ECT2L: variants seen among roughly 807,000 people sequenced by gnomAD.
ECT2L encodes epithelial cell-transforming sequence 2 oncogene-like.
In ECT2L, 126 loss-of-function variants were observed where a neutral mutation model predicts 122.8. The ratio of observed to expected loss-of-function variants is 1.03; its 90% CI spans 0.89 to 1.19. The LOEUF (loss-of-function observed/expected upper bound fraction) is 1.19, where lower values mean the gene tolerates loss of function less well. ECT2L is among the 50% of genes most tolerant of loss of function. The pLI, the probability that ECT2L is intolerant of heterozygous loss-of-function variation, is 0.00. For synonymous variants in ECT2L, 385 were observed against 381.8 expected (o/e 1.01, Z -0.10); for missense variants, 1,012 against 1,064.1 (o/e 0.95, Z 0.68).
intron 4 of ECT2L, among the ~76,000 whole-genome samples, chr6:138,824,894 C>T (rs1042567295): frequency 2.6e-5 from 4 of 152,206 alleles, no homozygotes; most frequent in African/African-American, 9.7e-5. Context: ...TGGCTCCACC[C>T]CCCGGAACCA....
chr6:138,885,633 G>A (rs372327085), intron 17 of ECT2L, 41 bp from the exon 18 acceptor site: 2 of 1,613,816 alleles, frequency 1.2e-6, no homozygotes, highest in African/African-American at 1.3e-5. Flanking sequence ...GCATTCCTGG[G>A]CCTTCAGAGA....
At position 138,885,577 on chromosome 6, in the gene ECT2L, G is replaced by A. The variant is rs746561633; in HGVS notation, c.2100G>A (p.Leu700=). ...RHDKTIVTKM[L]SLPELLLYPS... ...ATAAGACCATTGTTACCAAAATGCT[G>A]AGGTACGTTCTGAGGGAGAGCACAG... Residue 700 remains leucine (L), a splice_region_variant and synonymous_variant, in exon 17 of 22, where the codon CTG becomes CTA. Transcript: ENST00000541398. 6.2e-7 allele frequency: 1 copy of A among 1,614,182 alleles called. No individual in the cohort carries two copies. Among genetic ancestry groups the A allele is most frequent in the Non-Finnish European group, 8.5e-7 (1 of 1,180,026 alleles).
At chr6:138,863,894 G>A (rs1362172743) in intron 11 of ECT2L, among the ~76,000 whole-genome samples, 2 of 148,984 alleles carry the variant, frequency 1.3e-5, no homozygotes, top group African/African-American at 5.0e-5. Context: ...TTACAGGCGT[G>A]AGCCACCGCA....
intron 4 of ECT2L, among the ~76,000 whole-genome samples, chr6:138,828,086 G>A (rs146462588): frequency 8.6e-5 from 13 of 151,732 alleles, no homozygotes; most frequent in Admixed American, 2.0e-4. Context: ...TCCCCCCACC[G>A]CATGACAGGC....
intron 1 of ECT2L, among the ~76,000 whole-genome samples, chr6:138,799,044 G>C (rs912977897): frequency 2.0e-5 from 3 of 152,180 alleles, no homozygotes; most frequent in Admixed American, 6.5e-5. Context: ...GCCACTCCGG[G>C]AGTCTCTCTG....
At chr6:138,858,175 T>A (rs1216473450) in intron 10 of ECT2L, among the ~76,000 whole-genome samples, 3 of 152,178 alleles carry the variant, frequency 2.0e-5, no homozygotes, top group Non-Finnish European at 4.4e-5. Context: ...GTAATTTATA[T>A]GCTGAGGACC....
At position 138,842,947 on chromosome 6, in the gene ECT2L, A is replaced by G. The variant is rs764633239; in HGVS notation, c.343-32A>G. 3 of 1,441,682 alleles carry G rather than the reference A, an allele frequency of 2.1e-6. No homozygotes were observed. The South Asian group carries it at 5.3e-5, about 25-fold the overall frequency. The allele number at this position is 1,441,682 out of a possible 1,614,324, so 89.3% of individuals were successfully genotyped here. A position where few individuals can be genotyped will look rare whatever the true frequency, so the allele number is the denominator to read the frequency against. The stretch of plus-strand genomic sequence containing the variant: ...ATTGCTAGAAAACTGTCTGAAAACA[A>G]TTTGTGACTCATCTTCCTCTTGTTT... On this transcript the variant is annotated intron_variant, in intron 5 of 21. Coordinates refer to ENST00000541398, the MANE Select transcript of ECT2L (RefSeq NM_001077706.3).
chr6:138,865,286 C>A, intron 12 of ECT2L, 108 bp downstream of exon 12: 1 of 1,110,098 alleles, frequency 9.0e-7, no homozygotes, highest in Non-Finnish European at 1.2e-6. Context: ...TCTTGAACAT[C>A]TCCAGTAAAA....
intron 19 of ECT2L, among the ~76,000 whole-genome samples, chr6:138,887,865 T>C (rs1778880517): frequency 6.6e-6 from 1 of 152,188 alleles, no homozygotes; most frequent in Non-Finnish European, 1.5e-5. Context: ...TTGCAAAGTT[T>C]CCCCCAGCAT....
At chr6:138,902,221 T>C (rs905408753) in intron 21 of ECT2L, among the ~76,000 whole-genome samples, 3 of 152,234 alleles carry the variant, frequency 2.0e-5, no homozygotes, top group African/African-American at 7.2e-5. Flanking sequence ...TTCCAGTTCC[T>C]TCTGGAGTGA....
intron 8 of ECT2L, among the ~76,000 whole-genome samples, chr6:138,848,321 C>T (rs1777306044): frequency 6.6e-6 from 1 of 151,942 alleles, no homozygotes; most frequent in Non-Finnish European, 1.5e-5. Flanking sequence ...TCTGAAATTC[C>T]CAAATAGTAT....
intron 1 of ECT2L, among the ~76,000 whole-genome samples, chr6:138,803,267 GGAAAGA>G (rs781523890): frequency 7.5e-5 from 11 of 147,576 alleles, no homozygotes; most frequent in Non-Finnish European, 1.5e-4. Flanking sequence ...AAAAAAAAAA[GGAAAGA>G]GAAAAAGAAA....
At chr6:138,860,265 A>C (rs918827159) in intron 10 of ECT2L, among the ~76,000 whole-genome samples, 1 of 152,110 alleles carries the variant, frequency 6.6e-6, no homozygotes, top group Non-Finnish European at 1.5e-5. Flanking sequence ...AATGATTTAT[A>C]GTTTTAAGCT....
chr6:138,893,839 A>C (rs1779122353), intron 20 of ECT2L, among the ~76,000 whole-genome samples: 1 of 152,208 alleles, frequency 6.6e-6, no homozygotes, highest in African/African-American at 2.4e-5. Context: ...TCCACACTTT[A>C]TCTCTAGTAA....
chr6:138,897,670 T>C (rs1055949069), intron 20 of ECT2L, among the ~76,000 whole-genome samples: 2 of 152,214 alleles, frequency 1.3e-5, no homozygotes, highest in South Asian at 2.1e-4. Flanking sequence ...AAAAATTATA[T>C]ATAAAATAGC....
At chr6:138,871,256 T>C (rs986256132) in intron 13 of ECT2L, among the ~76,000 whole-genome samples, 12 of 152,202 alleles carry the variant, frequency 7.9e-5, no homozygotes, top group Non-Finnish European at 1.5e-4. Flanking sequence ...CTGTCTTTGA[T>C]GTTTGAAGGC....
At position 138,843,203 on chromosome 6, in the gene ECT2L, A is replaced by C; in HGVS notation, c.567A>C (p.Arg189Ser). The C allele has an allele frequency of 6.2e-7, 1 of 1,609,354 alleles. No homozygotes were observed. The highest frequency in any genetic ancestry group is 8.5e-7 in the Non-Finnish European group (1 of 1,177,672). The change falls in exon 6 of 22, where the codon AGA becomes AGC. Residue 189 changes from arginine to serine, a missense_variant. Coordinates refer to ENST00000541398, the MANE Select transcript of ECT2L (RefSeq NM_001077706.3). ...AAAGAGAAAAGTGCCTGAGGAAAAG[A>C]ATTTGGGAGAAAATTGCACTACGTA... is the stretch of plus-strand genomic sequence containing the variant. ...ERQREKCLRK[R>S]IWEKIALRKK...
chr6:138,868,182 G>C lies in ECT2L; in HGVS notation c.1554G>C (p.Leu518Phe). Reference sequence around the variant, plus strand: ...CTGCGCAAGCTCTGGCAGATGGATTGATGGAGTTGTCAAAAGAAGATTCTG... The same window carrying C: ...CTGCGCAAGCTCTGGCAGATGGATTCATGGAGTTGTCAAAAGAAGATTCTG... ...QDTAQALADG[L>F]MELSKEDSER... Residue 518 changes from leucine to phenylalanine, a missense_variant, in exon 13 of 22, where the codon TTG becomes TTC. Leu to Phe is a conservative substitution (Grantham distance 22, BLOSUM62 0). Transcript: ENST00000541398. 1 of 1,613,410 alleles carries C rather than the reference G, an allele frequency of 6.2e-7. No individual in the cohort carries two copies. The highest frequency in any genetic ancestry group is 1.1e-5 in the South Asian group (1 of 90,824).
chr6:138,847,242 G>GACAGAGT (rs1777255375), intron 8 of ECT2L, among the ~76,000 whole-genome samples: 1 of 150,468 alleles, frequency 6.6e-6, no homozygotes, highest in African/African-American at 2.5e-5. Flanking sequence ...CAACCTGGGT[G>GACAGAGT]ACAGAGTAAG....
Sources: allele counts gnomAD v4.1 joint callset (sites outside exome capture counted in the v4.1 genomes callset), GRCh38; gene constraint gnomAD v4.1.1; transcripts MANE v1.5; gene names NCBI Gene and HGNC (gene_info 2026-07-23, HGNC 2026-07-21).